The following NIPBL variants were observed in gnomAD, a reference collection of about 807,000 sequenced individuals.
NIPBL encodes the protein nipped-B-like protein.
A neutral mutation model predicts 321.8 loss-of-function variants in NIPBL; 19 were observed. That is an observed-to-expected ratio of 0.06 (90% CI 0.04 to 0.09). The LOEUF (loss-of-function observed/expected upper bound fraction) is 0.09. NIPBL is among the 10% of genes least tolerant of loss of function. NIPBL has a pLI of 1.00. For synonymous variants in NIPBL, 1,106 were observed against 1,114.1 expected, an observed-to-expected ratio of 0.99 and a Z score of 0.14; for missense variants, 2,210 against 3,327.0, an observed-to-expected ratio of 0.66 and a Z score of 8.26.
At chr5:37,048,720 A>G (rs1423810582) in intron 39 of NIPBL, 45 bp downstream of exon 39, 6 of 1,386,950 alleles carry the variant, frequency 4.3e-6, no homozygotes, top group Admixed American at 3.5e-5. Flanking sequence ...CATTTATATT[A>G]TAATGGCTTT....
intron 6 of NIPBL, 73 bp from the exon 7 acceptor site, chr5:36,970,803 T>C: frequency 7.8e-7 from 1 of 1,282,458 alleles, no homozygotes; most frequent in Middle Eastern, 2.0e-4. Flanking sequence ...TTAAAATATT[T>C]GTGAATAATT....
At chr5:37,001,183 A>G in intron 14 of NIPBL, 105 bp downstream of exon 14, 1 of 777,154 alleles carries the variant, frequency 1.3e-6, no homozygotes, top group Non-Finnish European at 2.3e-6. Flanking sequence ...GAAATCATAT[A>G]CTGGTTGTTG....
intron 29 of NIPBL, among the ~76,000 whole-genome samples, chr5:37,023,199 A>G (rs1416641783): frequency 6.6e-6 from 1 of 152,320 alleles, no homozygotes; most frequent in South Asian, 2.1e-4. Flanking sequence ...CAAATAATTT[A>G]AAGAAAAGCT....
In NIPBL at chr5:37,016,134, T is replaced by C. The variant is rs774573141; in HGVS notation, c.4740T>C (p.Ala1580=). 1.2e-6 allele frequency: 2 copies of C among 1,613,976 alleles called. No individual in the cohort carries two copies. The highest frequency in any genetic ancestry group is 2.2e-5 in the South Asian group (2 of 91,078). The change falls in exon 23 of 47, where the codon GCT becomes GCC. Residue 1580 remains alanine (A), a synonymous_variant. Coordinates refer to ENST00000282516, the MANE Select transcript of NIPBL (RefSeq NM_133433.4). ...LSTVNKPEWP[A]AELLLSLLGR... Reference sequence around the variant, plus strand: ...CAGTCAATAAGCCTGAATGGCCAGCTGCTGAACTACTCCTTAGTTTGTTAG... The same window carrying C: ...CAGTCAATAAGCCTGAATGGCCAGCCGCTGAACTACTCCTTAGTTTGTTAG...
intron 9 of NIPBL, among the ~76,000 whole-genome samples, chr5:36,982,534 T>C (rs1744261168): frequency 6.6e-6 from 1 of 151,846 alleles, no homozygotes; most frequent in South Asian, 2.1e-4. Context: ...ATTTTGTATA[T>C]ACTGAAAAAC....
intron 43 of NIPBL, 145 bp downstream of exon 43, chr5:37,057,477 C>T: frequency 1.3e-6 from 1 of 784,854 alleles, no homozygotes; most frequent in South Asian, 1.7e-5. Flanking sequence ...CTGGGCAATA[C>T]TTGACTTGGG....
intron 1 of NIPBL, among the ~76,000 whole-genome samples, chr5:36,912,985 C>T (rs1748165868): frequency 6.6e-6 from 1 of 151,988 alleles, no homozygotes; most frequent in Non-Finnish European, 1.5e-5. Flanking sequence ...AAACAATTGG[C>T]GTTAAGTTTT....
intron 37 of NIPBL, 73 bp from the exon 38 acceptor site, chr5:37,046,036 T>C: frequency 2.5e-6 from 2 of 793,864 alleles, no homozygotes; most frequent in Non-Finnish European, 4.5e-6. Flanking sequence ...TTTAAGGTAT[T>C]TTTTTCCTTT....
At chr5:37,038,259 G>A (rs181873580) in intron 33 of NIPBL, among the ~76,000 whole-genome samples, 4 of 152,056 alleles carry the variant, frequency 2.6e-5, no homozygotes, top group African/African-American at 9.6e-5. Flanking sequence ...CAAAGTGCTG[G>A]GATTACAGGT....
At chr5:37,050,957 G>A (rs1172842771) in intron 40 of NIPBL, 1 of 152,188 alleles carries the variant, frequency 6.6e-6, no homozygotes, top group Non-Finnish European at 1.5e-5. Context: ...TGCCTCCCAA[G>A]TAGCTGAGAC....
intron 9 of NIPBL, among the ~76,000 whole-genome samples, chr5:36,981,738 A>G (rs1212744430): frequency 6.6e-6 from 1 of 151,674 alleles, no homozygotes. Context: ...CCCAAGGTCC[A>G]CTTTCCATGT....
chr5:37,042,177 C>T (rs747042567), intron 34 of NIPBL, among the ~76,000 whole-genome samples: 27 of 152,252 alleles, frequency 1.8e-4, no homozygotes, highest in Non-Finnish European at 3.2e-4. Context: ...TGGCTCACGC[C>T]TGTAATCCCA....
At chr5:36,943,105 A>T (rs1179523612) in intron 1 of NIPBL, among the ~76,000 whole-genome samples, 1 of 152,124 alleles carries the variant, frequency 6.6e-6, no homozygotes, top group African/African-American at 2.4e-5. Context: ...TTTTCAGTCC[A>T]CAATTTGTTG....
intron 1 of NIPBL, among the ~76,000 whole-genome samples, chr5:36,914,182 A>G (rs1214382100): frequency 6.6e-6 from 1 of 152,220 alleles, no homozygotes; most frequent in Non-Finnish European, 1.5e-5. Context: ...CTCACAACCT[A>G]GTAACCAGAA....
intron 39 of NIPBL, 45 bp from the exon 40 acceptor site, chr5:37,049,066 T>A (rs1398108646): frequency 6.3e-7 from 1 of 1,584,252 alleles, no homozygotes; most frequent in Non-Finnish European, 8.7e-7. Flanking sequence ...GTAAAGTTAG[T>A]ATAGGTGCTC....
chr5:37,059,192 A>G (rs1222829944), intron 44 of NIPBL, 27 bp downstream of exon 44: 1 of 1,610,922 alleles, frequency 6.2e-7, no homozygotes, highest in Non-Finnish European at 8.5e-7. Flanking sequence ...AGTGAGAGAA[A>G]AAACTTCACT....
chr5:36,978,490 C>T (rs1016921857), intron 9 of NIPBL, among the ~76,000 whole-genome samples: 4 of 151,586 alleles, frequency 2.6e-5, no homozygotes, highest in African/African-American at 9.7e-5. Context: ...CAGTATTAGA[C>T]CTTTGTTGGA....
intron 1 of NIPBL, among the ~76,000 whole-genome samples, chr5:36,934,795 G>A (rs895575266): frequency 6.6e-6 from 1 of 152,090 alleles, no homozygotes; most frequent in Admixed American, 6.6e-5. Flanking sequence ...TTTTTGAAGA[G>A]CTATAGGTAG....
At chr5:37,028,410 G>A (rs770334595) in intron 32 of NIPBL, among the ~76,000 whole-genome samples, 2 of 142,308 alleles carry the variant, frequency 1.4e-5, no homozygotes, top group African/African-American at 2.6e-5. Flanking sequence ...CATCTTGGCC[G>A]GCTCACTGCA....
Sources: gnomAD v4.1 joint callset for allele counts (sites outside exome capture counted in the v4.1 genomes callset) on GRCh38, gnomAD v4.1.1 for gene constraint, MANE v1.5 for transcripts, NCBI Gene and HGNC (gene_info 2026-07-23, HGNC 2026-07-21) for gene names.